Variants in PDZD2 observed in about 807,000 individuals in gnomAD.
PDZD2 encodes PDZ domain-containing protein 2.
Under a neutral mutation model 220.7 loss-of-function variants are expected in PDZD2, and 90 were observed. That is an observed-to-expected ratio of 0.41 (90% CI 0.34 to 0.49). The LOEUF (loss-of-function observed/expected upper bound fraction) is 0.49, where lower values mean the gene tolerates loss of function less well. PDZD2 is among the 20% of genes least tolerant of loss of function. PDZD2 has a pLI of 0.28. For synonymous variants in PDZD2, 1,375 were observed against 1,450.5 expected, an observed-to-expected ratio of 0.95 and a Z score of 1.18; for missense variants, 3,174 against 3,608.5, an observed-to-expected ratio of 0.88 and a Z score of 3.08.
At chr5:31,670,254 T>G (rs1369060664) in intron 1 of PDZD2, among the ~76,000 whole-genome samples, 1 of 152,164 alleles carries the variant, frequency 6.6e-6, no homozygotes, top group East Asian at 1.9e-4. Context: ...GTGGGGTTTT[T>G]GCCAGTGTTT....
At chr5:31,994,074 G>A (rs1045676569) in intron 3 of PDZD2, among the ~76,000 whole-genome samples, 1 of 152,144 alleles carries the variant, frequency 6.6e-6, no homozygotes, top group Non-Finnish European at 1.5e-5. Context: ...ATGGAGCACA[G>A]TGGTGTGATC....
chr5:32,077,407 C>T lies in PDZD2; in HGVS notation c.3538-55C>T, dbSNP rs762657589. ...GCTCTCTATATATGATCTCATCTTA[C>T]GGTGCAGAAAGCCTGAAAGTTATTT... On this transcript the variant is annotated intron_variant, in intron 18 of 24. Coordinates refer to ENST00000438447, the MANE Select transcript of PDZD2 (RefSeq NM_178140.4). 2.4e-4 allele frequency: 374 copies of T among 1,584,356 alleles called. 4 individuals carry two copies. In the South Asian group the frequency reaches 3.8e-3, roughly 16 times the overall value.
At chr5:32,017,580 T>C (rs1030636400) in intron 6 of PDZD2, among the ~76,000 whole-genome samples, 5 of 152,228 alleles carry the variant, frequency 3.3e-5, no homozygotes, top group Admixed American at 1.3e-4. Flanking sequence ...ATATCAGTGA[T>C]TTAGACATCA....
chr5:31,876,826 G>A (rs570309647), intron 2 of PDZD2, among the ~76,000 whole-genome samples: 2 of 152,344 alleles, frequency 1.3e-5, no homozygotes, highest in South Asian at 4.1e-4. Context: ...AAAGATGAAA[G>A]CAATGGAGCC....
chr5:31,738,068 T>C (rs1396466519), intron 1 of PDZD2, among the ~76,000 whole-genome samples: 1 of 152,188 alleles, frequency 6.6e-6, no homozygotes, highest in Non-Finnish European at 1.5e-5. Context: ...TTTGGAATGT[T>C]CGAGAGATCA....
At chr5:32,021,975 C>A (rs1754231556) in intron 6 of PDZD2, among the ~76,000 whole-genome samples, 1 of 152,094 alleles carries the variant, frequency 6.6e-6, no homozygotes, top group Non-Finnish European at 1.5e-5. Context: ...CATGACCCTG[C>A]AGGTGCCCAC....
At chr5:31,792,987 C>T (rs963188150) in intron 1 of PDZD2, among the ~76,000 whole-genome samples, 4 of 151,652 alleles carry the variant, frequency 2.6e-5, no homozygotes, top group Non-Finnish European at 4.4e-5. Flanking sequence ...TACAGGTGTG[C>T]GCCTCCACAA....
At chr5:32,079,258 CA>C (rs35524007) in intron 19 of PDZD2, among the ~76,000 whole-genome samples, 2 of 78,898 alleles carry the variant, frequency 2.5e-5, no homozygotes, top group South Asian at 3.5e-4. Context: ...GACTCTGTCT[CA>C]AAAAAAAAAC....
chr5:31,700,252 C>T (rs1561391745), intron 1 of PDZD2, among the ~76,000 whole-genome samples: 2 of 152,004 alleles, frequency 1.3e-5, no homozygotes, highest in Non-Finnish European at 2.9e-5. Flanking sequence ...TGCCTGATTT[C>T]GGGGCCAGGA....
At chr5:31,829,414 A>G (rs1756418126) in intron 2 of PDZD2, among the ~76,000 whole-genome samples, 1 of 150,354 alleles carries the variant, frequency 6.7e-6, no homozygotes, top group Non-Finnish European at 1.5e-5. Context: ...TGCAACCTCT[A>G]CCTCCCAGGT....
intron 1 of PDZD2, among the ~76,000 whole-genome samples, chr5:31,764,188 A>G (rs1361035522): frequency 6.6e-6 from 1 of 152,224 alleles, no homozygotes; most frequent in Admixed American, 6.5e-5. Flanking sequence ...CTCATGATAA[A>G]GTAAAGCATG....
chr5:32,030,348 C>T (rs1479450572), intron 6 of PDZD2, among the ~76,000 whole-genome samples: 1 of 152,202 alleles, frequency 6.6e-6, no homozygotes, highest in Non-Finnish European at 1.5e-5. Flanking sequence ...AGGGCTAATA[C>T]CTCTGCCGCC....
In PDZD2 at chr5:31,844,636, G is replaced by T. The variant is rs1370776155; in HGVS notation, c.476+44912G>T. 1.9e-4 allele frequency among the ~76,000 whole-genome samples: 29 copies of T among 152,094 alleles called. 1 individual carries two copies. The highest frequency in any genetic ancestry group is 1.9e-3 in the Admixed American group (29 of 15,252). On this transcript the variant is annotated intron_variant, in intron 2 of 24. Coordinates refer to ENST00000438447, the MANE Select transcript of PDZD2 (RefSeq NM_178140.4). The stretch of plus-strand genomic sequence containing the variant: ...TCATCTGTGATTCAAATTTAACTGG[G>T]TCGCCTATATTTTATCTGGCAGTGT...
At chr5:31,699,276 G>A (rs765194637) in intron 1 of PDZD2, among the ~76,000 whole-genome samples, 3 of 152,166 alleles carry the variant, frequency 2.0e-5, no homozygotes, top group Non-Finnish European at 2.9e-5. Context: ...GGTGGTGGGC[G>A]AGGGGTGGGC....
At chr5:32,072,339 G>A (rs899386172) in intron 17 of PDZD2, 22 bp downstream of exon 17, 5 of 1,590,834 alleles carry the variant, frequency 3.1e-6, no homozygotes, top group Non-Finnish European at 2.6e-6. Flanking sequence ...TGCCCCAGAG[G>A]GCCTGGGCTC....
chr5:31,995,501 G>A, intron 3 of PDZD2, 75 bp from the exon 4 acceptor site: 1 of 1,512,320 alleles, frequency 6.6e-7, no homozygotes, highest in Admixed American at 1.7e-5. Flanking sequence ...GGCCAGACGT[G>A]ACAGCTCCGT....
intron 2 of PDZD2, among the ~76,000 whole-genome samples, chr5:31,921,490 C>G (rs1744250300): frequency 6.6e-6 from 1 of 152,052 alleles, no homozygotes. Flanking sequence ...TCGAGACCAG[C>G]CTAGGCAGCA....
At chr5:32,003,384 C>CCCCT (rs1554022751) in intron 5 of PDZD2, among the ~76,000 whole-genome samples, 23 of 81,248 alleles carry the variant, frequency 2.8e-4, no homozygotes, top group Non-Finnish European at 4.6e-4. Context: ...CACACACACA[C>CCCCT]CCACACACAC....
intron 2 of PDZD2, among the ~76,000 whole-genome samples, chr5:31,896,368 ATG>A (rs1043260378): frequency 1.2e-5 from 1 of 85,262 alleles, no homozygotes; most frequent in African/African-American, 4.3e-5. Flanking sequence ...GTGTGTGTGT[ATG>A]TGTGTGTGTG....
Sources: allele counts gnomAD v4.1 joint callset (sites outside exome capture counted in the v4.1 genomes callset), GRCh38; gene constraint gnomAD v4.1.1; transcripts MANE v1.5; gene names NCBI Gene and HGNC (gene_info 2026-07-23, HGNC 2026-07-21).